The following CAT variants were observed in gnomAD, a reference collection of about 807,000 sequenced individuals.
CAT encodes catalase.
CAT carries 43 observed loss-of-function variants against 59.0 expected under a neutral mutation model. The observed-to-expected ratio is 0.73, with a 90% CI of 0.57 to 0.94. CAT has a LOEUF of 0.94. Among genes scored for constraint, CAT ranks in the 40% least tolerant of loss-of-function variants. The pLI is 0.00. For missense variants in CAT, 664 were observed against 682.9 expected (o/e 0.97, Z 0.31); for synonymous variants, 218 against 230.9 (o/e 0.94, Z 0.51).
intron 1 of CAT, among the ~76,000 whole-genome samples, chr11:34,445,216 G>A (rs1019625351): frequency 5.3e-5 from 8 of 152,212 alleles, no homozygotes; most frequent in East Asian, 1.9e-4. Context: ...CAGGCTGGGC[G>A]CGGTGGCTCA....
chr11:34,450,631 T>TA (rs1231939467), intron 2 of CAT, among the ~76,000 whole-genome samples: 1 of 152,222 alleles, frequency 6.6e-6, no homozygotes, highest in African/African-American at 2.4e-5. Flanking sequence ...TTCTTTCTCT[T>TA]ATGTTTTCAT....
chr11:34,439,405 T>C (rs1041163704), intron 1 of CAT, among the ~76,000 whole-genome samples: 2 of 152,084 alleles, frequency 1.3e-5, no homozygotes, highest in African/African-American at 2.4e-5. Context: ...GGCAGAGAGC[T>C]GCAGCTGCAA....
chr11:34,453,750 A>T (rs1215511946), intron 5 of CAT, 51 bp from the exon 6 acceptor site: 1 of 1,543,152 alleles, frequency 6.5e-7, no homozygotes, highest in East Asian at 2.3e-5. Flanking sequence ...AAAATCAAGG[A>T]TGTTTTGATT....
chr11:34,449,028 G>C (rs1590300606), intron 1 of CAT, among the ~76,000 whole-genome samples, 164 bp from the exon 2 acceptor site: 1 of 152,314 alleles, frequency 6.6e-6, no homozygotes, highest in East Asian at 1.9e-4. Flanking sequence ...ATCACTAAAA[G>C]TTTCAGGCAA....
intron 8 of CAT, among the ~76,000 whole-genome samples, chr11:34,457,848 G>A (rs1174325321): frequency 1.3e-5 from 2 of 152,244 alleles, no homozygotes; most frequent in African/African-American, 4.8e-5. Flanking sequence ...TACTTCTTAT[G>A]TAAGTATCTG....
At chr11:34,463,011 C>G (rs1400388858) in intron 9 of CAT, among the ~76,000 whole-genome samples, 1 of 152,086 alleles carries the variant, frequency 6.6e-6, no homozygotes, top group Non-Finnish European at 1.5e-5. Flanking sequence ...TCTTCCTTCC[C>G]CTACACACAC....
chr11:34,453,347 A>G (rs1856551690), intron 5 of CAT, among the ~76,000 whole-genome samples, 153 bp downstream of exon 5: 3 of 152,212 alleles, frequency 2.0e-5, no homozygotes, highest in Admixed American at 2.0e-4. Flanking sequence ...AACTGGCTTT[A>G]CTAATCATCC....
At chr11:34,470,790 G>T in intron 11 of CAT, 168 bp from the exon 12 acceptor site, 1 of 725,332 alleles carries the variant, frequency 1.4e-6, no homozygotes, top group East Asian at 2.5e-5. Context: ...GTGTTCACTG[G>T]ACCTGCATCT....
At chr11:34,445,564 T>C (rs1215542859) in intron 1 of CAT, among the ~76,000 whole-genome samples, 2 of 146,102 alleles carry the variant, frequency 1.4e-5, no homozygotes, top group Non-Finnish European at 3.0e-5. Flanking sequence ...TATTTTGTTA[T>C]ATGGGGCACA....
chr11:34,452,868 A>G (rs1176545673), intron 4 of CAT, among the ~76,000 whole-genome samples: 2 of 151,696 alleles, frequency 1.3e-5, no homozygotes, highest in South Asian at 2.1e-4. Context: ...AAAAAAAAAA[A>G]GAAAAGACTA....
chr11:34,453,398 A>C (rs900945113), intron 5 of CAT, among the ~76,000 whole-genome samples: 2 of 152,338 alleles, frequency 1.3e-5, no homozygotes, highest in Non-Finnish European at 2.9e-5. Flanking sequence ...ATGATGATAG[A>C]TAGCTAGCAA....
chr11:34,446,437 A>G (rs545191361), intron 1 of CAT, among the ~76,000 whole-genome samples: 9 of 152,340 alleles, frequency 5.9e-5, no homozygotes, highest in Admixed American at 3.9e-4. Context: ...GAGGACTGCC[A>G]TAATTCCAGC....
intron 1 of CAT, among the ~76,000 whole-genome samples, chr11:34,445,472 G>A (rs1440266444): frequency 8.4e-6 from 1 of 118,464 alleles, no homozygotes; most frequent in African/African-American, 3.5e-5. Flanking sequence ...CTCCAGCCTG[G>A]GCAATAGAGC....
At chr11:34,439,188 C>G (rs1441406939) in intron 1 of CAT, 109 bp downstream of exon 1, 1 of 1,030,480 alleles carries the variant, frequency 9.7e-7, no homozygotes, top group Middle Eastern at 2.6e-4. Flanking sequence ...GACTGTACCG[C>G]GGCTCACTGG....
intron 2 of CAT, 27 bp downstream of exon 2, chr11:34,449,390 A>T (rs1856496503): frequency 5.0e-6 from 8 of 1,605,720 alleles, no homozygotes; most frequent in Non-Finnish European, 6.8e-6. Flanking sequence ...TTTGCTGTAA[A>T]AAGATTGTTT....
Position 34,453,860 on chromosome 11 carries a change from T to C in CAT, c.645T>C (p.Tyr215=). 6.2e-7 allele frequency: 1 copy of C among 1,613,640 alleles called. No homozygotes were observed. Among genetic ancestry groups the C allele is most frequent in the South Asian group, 1.1e-5 (1 of 91,066 alleles). The change falls in exon 6 of 13, where the codon TAT becomes TAC. Residue 215 remains tyrosine, a synonymous_variant. Transcript: ENST00000241052. ...IPDGHRHMNG[Y]GSHTFKLVNA... ...ATGGACATCGCCACATGAATGGATA[T>C]GGATCACATACTTTCAAGCTGGTTA...
chr11:34,467,755 A>G (rs181020814), intron 10 of CAT, among the ~76,000 whole-genome samples: 1 of 152,290 alleles, frequency 6.6e-6, no homozygotes, highest in Non-Finnish European at 1.5e-5. Flanking sequence ...GGTCAACCCA[A>G]TAATCTAGCA....
Position 34,471,516 on chromosome 11 carries a change from T to C in CAT, c.*83T>C, listed in dbSNP as rs1411173248. ...TCACTGGATGAAGATTCTCCTGTGC[T>C]AGATGTGCAAATGCAAGCTAGTGGC... On this transcript the variant is annotated 3_prime_UTR_variant, in exon 13 of 13. Coordinates refer to ENST00000241052, the MANE Select transcript of CAT (RefSeq NM_001752.4). 1.7e-6 allele frequency: 2 copies of C among 1,193,456 alleles called. No homozygotes were observed. The highest frequency in any genetic ancestry group is 2.5e-6 in the Non-Finnish European group (2 of 796,488). 73.9% of individuals were successfully genotyped at this position (1,193,456 alleles called of 1,614,324 possible).
Position 34,467,249 on chromosome 11 carries a change from G to A in CAT, c.1327-1039G>A, listed in dbSNP as rs556574181. On this transcript the variant is annotated intron_variant, in intron 10 of 12. Coordinates refer to ENST00000241052, the MANE Select transcript of CAT (RefSeq NM_001752.4). ...AAAATTACAATCTGTGAAATAAAAA[G>A]TCAACAGATATAGTGACCCAGTCGA... Among the ~76,000 whole-genome samples the A allele has an allele frequency of 4.6e-5, 7 of 152,224 alleles. 1 individual carries two copies. In the East Asian group the frequency reaches 5.8e-4, roughly 13 times the overall value.
Sources: gnomAD v4.1 joint callset for allele counts (sites outside exome capture counted in the v4.1 genomes callset) on GRCh38, gnomAD v4.1.1 for gene constraint, MANE v1.5 for transcripts, NCBI Gene and HGNC (gene_info 2026-07-23, HGNC 2026-07-21) for gene names.